IL34: variants seen among roughly 807,000 people sequenced by gnomAD.
IL34 encodes the protein interleukin 34, also known as interleukin-34.
Under a neutral mutation model 25.3 loss-of-function variants are expected in IL34, and 17 were observed. That is an observed-to-expected ratio of 0.67 (90% CI 0.46 to 1.01). The LOEUF (loss-of-function observed/expected upper bound fraction) is 1.01, where lower values mean the gene tolerates loss of function less well. Ranked by LOEUF, IL34 falls within the 50% of genes least tolerant of loss-of-function variation. IL34 has a pLI of 0.00. For missense variants in IL34, 368 were observed against 312.9 expected, an observed-to-expected ratio of 1.18 and a Z score of -1.33; for synonymous variants, 174 against 140.9, an observed-to-expected ratio of 1.23 and a Z score of -1.66.
At chr16:70,594,950 T>G (rs2050799591) in intron 1 of IL34, among the ~76,000 whole-genome samples, 2 of 140,720 alleles carry the variant, frequency 1.4e-5, no homozygotes, top group South Asian at 2.1e-4. Context: ...TCTCTCTCTC[T>G]CTCTCTTTTT....
chr16:70,580,518 G>T lies in IL34; in HGVS notation c.-401+469G>T, dbSNP rs537670675. 2.5e-3 allele frequency among the ~76,000 whole-genome samples: 376 copies of T among 152,312 alleles called. 1 individual carries two copies. The highest frequency in any genetic ancestry group is 4.1e-3 in the Non-Finnish European group (278 of 68,032). On this transcript the variant is annotated intron_variant, in intron 1 of 6. Transcript: ENST00000429149. ...GACTTGGCCAGGCGCAGTGGCTCAC[G>T]CCTGTAATCTGTAATCCCAGCACTC...
intron 1 of IL34, among the ~76,000 whole-genome samples, chr16:70,596,367 G>A (rs1054476147): frequency 2.0e-5 from 3 of 152,210 alleles, no homozygotes; most frequent in South Asian, 2.1e-4. Context: ...AAGACTGCCC[G>A]GAAAGGTGGC....
chr16:70,581,092 A>G (rs745697704), intron 1 of IL34, among the ~76,000 whole-genome samples: 12 of 151,954 alleles, frequency 7.9e-5, no homozygotes, highest in Non-Finnish European at 1.3e-4. Context: ...TTGTATTTTT[A>G]GTAGAGACGG....
chr16:70,637,507 G>A (rs1170671796), intron 1 of IL34, among the ~76,000 whole-genome samples: 1 of 140,754 alleles, frequency 7.1e-6, no homozygotes, highest in East Asian at 2.1e-4. Flanking sequence ...CATCAGGCCC[G>A]GCTAATTTTA....
At chr16:70,581,692 C>G (rs1191342898) in intron 1 of IL34, among the ~76,000 whole-genome samples, 1 of 152,150 alleles carries the variant, frequency 6.6e-6, no homozygotes, top group Non-Finnish European at 1.5e-5. Context: ...AGAAGGCTGA[C>G]TAGTCTGGGT....
intron 1 of IL34, among the ~76,000 whole-genome samples, chr16:70,653,339 C>A (rs1597780318): frequency 7.0e-6 from 1 of 141,894 alleles, no homozygotes. Flanking sequence ...ATAGCAAAAC[C>A]CTGTCTCAAA....
In IL34 at chr16:70,647,204, G is replaced by T. The variant is rs534108825; in HGVS notation, c.28+229G>T. On this transcript the variant is annotated intron_variant, in intron 1 of 5. Transcript: ENST00000288098. ...TGGGCAGTTCTGGCTGGGTGGGCAT[G>T]GTCCTCAGGGTGGTCTTAGGTCGGG... Among the ~76,000 whole-genome samples the T allele has an allele frequency of 6.6e-5, 10 of 152,354 alleles. No homozygotes were observed. In the South Asian group the frequency reaches 1.2e-3, roughly 19 times the overall value.
chr16:70,619,331 A>AG (rs749754965), intron 1 of IL34, among the ~76,000 whole-genome samples: 98 of 151,782 alleles, frequency 6.5e-4, no homozygotes, highest in Middle Eastern at 3.4e-3. Context: ...ATACAAGAGG[A>AG]GACGCAAAGG....
rs150961220 is a variant in IL34 at position 70,589,009 on chromosome 16, C to T, written c.-401+8960C>T. 5.0e-3 allele frequency among the ~76,000 whole-genome samples: 760 copies of T among 152,136 alleles called. 7 individuals carry two copies. The highest frequency in any genetic ancestry group is 0.016 in the African/African-American group (684 of 41,520). On this transcript the variant is annotated intron_variant, in intron 1 of 6. Coordinates refer to the IL34 transcript ENST00000429149. ...AATAATATAAATGTATTTAATGCCA[C>T]TGGGAAAAAAATGCTAGCTGAGAGC...
At chr16:70,621,870 C>T (rs1361391330) in intron 1 of IL34, among the ~76,000 whole-genome samples, 1 of 151,884 alleles carries the variant, frequency 6.6e-6, no homozygotes, top group Non-Finnish European at 1.5e-5. Context: ...GAAGGACTTT[C>T]ACAAGGTAAT....
intron 1 of IL34, among the ~76,000 whole-genome samples, chr16:70,629,794 C>G (rs548454866): frequency 6.6e-6 from 1 of 151,818 alleles, no homozygotes; most frequent in East Asian, 1.9e-4. Flanking sequence ...GAATTCAATG[C>G]TTAATAATCA....
At chr16:70,594,973 G>C (rs1345223735) in intron 1 of IL34, among the ~76,000 whole-genome samples, 1 of 125,160 alleles carries the variant, frequency 8.0e-6, no homozygotes, top group Admixed American at 8.7e-5. Context: ...TTTTTTTTCT[G>C]AGACAGAGTC....
At chr16:70,658,305 G>A (rs534865216) in intron 4 of IL34, among the ~76,000 whole-genome samples, 1 of 152,234 alleles carries the variant, frequency 6.6e-6, no homozygotes, top group Admixed American at 6.5e-5. Context: ...TGATCTGCTT[G>A]GTGGCTCTTT....
rs1223744698 is a variant in IL34, at chr16:70,654,289, C to T, written c.29-249C>T. The stretch of plus-strand genomic sequence containing the variant: ...CAGACGTCGACCCTGAGGCGTGCCT[C>T]CTGGGGGGCTCCAGTGGCCGGCATG... On this transcript the variant is annotated intron_variant, in intron 1 of 5. Transcript: ENST00000288098. 2.1e-5 allele frequency: 8 copies of T among 374,932 alleles called. No homozygotes were observed. The East Asian group carries it at 3.0e-4, about 14-fold the overall frequency. 23.2% of individuals were successfully genotyped at this position (374,932 alleles called of 1,614,324 possible). A position where few individuals can be genotyped will look rare whatever the true frequency, so the allele number is the denominator to read the frequency against.
At chr16:70,628,455 G>A (rs1315891147) in intron 1 of IL34, among the ~76,000 whole-genome samples, 2 of 151,444 alleles carry the variant, frequency 1.3e-5, no homozygotes, top group Non-Finnish European at 1.5e-5. Context: ...TAACTGGCTA[G>A]TGTGTGGGTT....
chr16:70,595,740 G>A (rs2050812855), intron 1 of IL34, among the ~76,000 whole-genome samples: 1 of 152,078 alleles, frequency 6.6e-6, no homozygotes, highest in Non-Finnish European at 1.5e-5. Context: ...GGCTGGGCGT[G>A]GTGGCTCATG....
At chr16:70,639,581 G>T (rs2051733750) in intron 1 of IL34, among the ~76,000 whole-genome samples, 1 of 152,196 alleles carries the variant, frequency 6.6e-6, no homozygotes, top group African/African-American at 2.4e-5. Flanking sequence ...CGTGCCTTCT[G>T]TTGAAAGAAC....
upstream of IL34, among the ~76,000 whole-genome samples, chr16:70,644,930 GGAGGAAGAGGAGGAAGGAGGAAGA>G (rs1429318310): frequency 3.3e-4 from 13 of 39,566 alleles, no homozygotes; most frequent in Non-Finnish European, 5.1e-4. Flanking sequence ...GGAGGAGGAA[GGAGGAAGAGGAGGAAGGAGGAAGA>G]GGAGGAGGAA....
chr16:70,638,434 C>CAA (rs141709731), intron 1 of IL34, among the ~76,000 whole-genome samples: 95 of 141,548 alleles, frequency 6.7e-4, no homozygotes, highest in African/African-American at 2.1e-3. Context: ...AAGATCCTAT[C>CAA]AAAAAAAAAA....
Sources: allele counts gnomAD v4.1 joint callset (sites outside exome capture counted in the v4.1 genomes callset), GRCh38; gene constraint gnomAD v4.1.1; transcripts MANE v1.5; gene names NCBI Gene and HGNC (gene_info 2026-07-23, HGNC 2026-07-21).